MARCHF1: variants seen among roughly 807,000 people sequenced by gnomAD.
MARCHF1 encodes the protein E3 ubiquitin-protein ligase MARCHF1.
MARCHF1 carries 40 observed loss-of-function variants against 54.2 expected under a neutral mutation model. The ratio of observed to expected loss-of-function variants is 0.74; its 90% CI spans 0.57 to 0.96. MARCHF1 has a LOEUF of 0.96. Ranked by LOEUF, MARCHF1 falls within the 40% of genes least tolerant of loss-of-function variation. The pLI is 0.00. For missense variants in MARCHF1, 586 were observed against 656.5 expected, an observed-to-expected ratio of 0.89 and a Z score of 1.17; for synonymous variants, 236 against 236.3, an observed-to-expected ratio of 1.00 and a Z score of 0.01.
At chr4:163,778,749 A>C (rs1354985512) in intron 4 of MARCHF1, among the ~76,000 whole-genome samples, 1 of 152,204 alleles carries the variant, frequency 6.6e-6, no homozygotes, top group Non-Finnish European at 1.5e-5. Flanking sequence ...AGTCAGACAC[A>C]GAAAGACAAA....
At chr4:163,661,105 G>A (rs1330153340) in intron 5 of MARCHF1, among the ~76,000 whole-genome samples, 1 of 151,852 alleles carries the variant, frequency 6.6e-6, no homozygotes, top group Non-Finnish European at 1.5e-5. Flanking sequence ...GATTCTTCCT[G>A]AACTCCTCCC....
At chr4:164,276,854 C>A (rs9684096) in intron 1 of MARCHF1, among the ~76,000 whole-genome samples, 67,967 of 135,214 alleles carry the variant, frequency 0.5, 19,642 homozygotes, top group African/African-American at 0.8. Flanking sequence ...AATTACATGT[C>A]TATATGTTTA....
At chr4:163,619,379 GT>G (rs1741607976) in intron 5 of MARCHF1, among the ~76,000 whole-genome samples, 1 of 152,086 alleles carries the variant, frequency 6.6e-6, no homozygotes, top group Non-Finnish European at 1.5e-5. Context: ...CCAACAGGTT[GT>G]TTTATTTTAA....
In MARCHF1 at chr4:163,735,282, A is replaced by T. The variant is rs541750700; in HGVS notation, c.112-34419T>A. ...TCACCACCTGGTATTACATTAAATA[A>T]TTATTTATTTATTATTCATTTCCCC... On this transcript the variant is annotated intron_variant, in intron 4 of 9. Transcript: ENST00000514618. Among the ~76,000 whole-genome samples the T allele has an allele frequency of 2.6e-5, 4 of 152,268 alleles. No individual in the cohort carries two copies. The South Asian group carries it at 8.3e-4, about 32-fold the overall frequency.
intron 5 of MARCHF1, among the ~76,000 whole-genome samples, chr4:163,628,528 G>C (rs1741953911): frequency 6.6e-6 from 1 of 152,184 alleles, no homozygotes; most frequent in Non-Finnish European, 1.5e-5. Context: ...ATTCAACATA[G>C]TATTAGAAGC....
chr4:163,855,721 T>C (rs758848922), intron 3 of MARCHF1, among the ~76,000 whole-genome samples: 1 of 152,208 alleles, frequency 6.6e-6, no homozygotes, highest in African/African-American at 2.4e-5. Context: ...AATTCATTCA[T>C]GAATGAAGAA....
intron 1 of MARCHF1, among the ~76,000 whole-genome samples, chr4:164,281,975 CT>C (rs1734037269): frequency 7.0e-6 from 1 of 143,534 alleles, no homozygotes. Context: ...CATCCCTCAT[CT>C]GGCCAAATGT....
At chr4:163,858,569 A>G (rs145253456) in intron 3 of MARCHF1, among the ~76,000 whole-genome samples, 406 of 152,308 alleles carry the variant, frequency 2.7e-3, no homozygotes, top group African/African-American at 9.4e-3. Context: ...TTATGTATTT[A>G]TTTAGCTAAT....
chr4:164,214,939 A>G (rs1239906531), intron 1 of MARCHF1, among the ~76,000 whole-genome samples: 1 of 152,136 alleles, frequency 6.6e-6, no homozygotes, highest in East Asian at 1.9e-4. Flanking sequence ...CCCGCCGCTC[A>G]AACCTCAGAT....
chr4:163,711,884 A>C (rs932121541), intron 4 of MARCHF1, among the ~76,000 whole-genome samples: 2 of 152,194 alleles, frequency 1.3e-5, no homozygotes, highest in African/African-American at 4.8e-5. Context: ...CTAGACCCCG[A>C]TGGATAAAAG....
intron 2 of MARCHF1, among the ~76,000 whole-genome samples, chr4:164,100,725 A>G (rs1185986781): frequency 6.6e-6 from 1 of 152,182 alleles, no homozygotes. Context: ...TTGATAGTCA[A>G]GATAATTGTC....
Position 163,539,285 on chromosome 4 carries a change from T to G in MARCHF1, c.1339+6311A>C, listed in dbSNP as rs545821533. On this transcript the variant is annotated intron_variant, in intron 9 of 9. Coordinates refer to ENST00000514618, the MANE Select transcript of MARCHF1 (RefSeq NM_001394959.1). ...ATCTGCCCACCTTGGCCTCTCAAAG[T>G]GCTGGGATTACAGGCTTAAACCAAC... 5.3e-5 allele frequency among the ~76,000 whole-genome samples: 8 copies of G among 152,296 alleles called. No homozygotes were observed. In the South Asian group the frequency reaches 1.7e-3, roughly 32 times the overall value.
At position 164,216,678 on chromosome 4, in the gene MARCHF1, A is replaced by G. The variant is rs574595425; in HGVS notation, c.-322-105016T>C. ...ATTATCCTGAGCCTCATGATAGAAC[A>G]CAGAGCTCATACTCTGTGTTTTTAC... On this transcript the variant is annotated intron_variant, in intron 1 of 9. Coordinates refer to ENST00000514618, the MANE Select transcript of MARCHF1 (RefSeq NM_001394959.1). Among the ~76,000 whole-genome samples, 8 of 152,336 alleles carry G rather than the reference A, an allele frequency of 5.3e-5. 1 individual carries two copies. The South Asian group carries it at 1.7e-3, about 32-fold the overall frequency.
chr4:163,949,750 G>A (rs1489203693), intron 3 of MARCHF1, among the ~76,000 whole-genome samples: 1 of 121,918 alleles, frequency 8.2e-6, no homozygotes, highest in Non-Finnish European at 1.8e-5. Context: ...GCAGTGTCTG[G>A]AGTGTTTAGA....
At chr4:163,772,946 G>A (rs1747202621) in intron 4 of MARCHF1, among the ~76,000 whole-genome samples, 1 of 152,114 alleles carries the variant, frequency 6.6e-6, no homozygotes, top group Admixed American at 6.6e-5. Flanking sequence ...GGGCATATGT[G>A]GTGGCAAATT....
chr4:164,176,966 C>CCATATA (rs1730688881), intron 1 of MARCHF1, among the ~76,000 whole-genome samples: 2 of 46,730 alleles, frequency 4.3e-5, no homozygotes, highest in African/African-American at 1.1e-4. Context: ...CTCTCTCTCT[C>CCATATA]TCTCTCTCTC....
chr4:163,682,187 A>G (rs1357379200), intron 5 of MARCHF1, among the ~76,000 whole-genome samples: 1 of 152,166 alleles, frequency 6.6e-6, no homozygotes, highest in Admixed American at 6.5e-5. Flanking sequence ...TGAAACTTTG[A>G]ACTTGAGAGA....
At chr4:163,849,135 A>G (rs978923104) in intron 4 of MARCHF1, among the ~76,000 whole-genome samples, 1 of 152,210 alleles carries the variant, frequency 6.6e-6, no homozygotes, top group Admixed American at 6.5e-5. Flanking sequence ...AAGACGTGAT[A>G]GAGTGGCCCT....
intron 4 of MARCHF1, among the ~76,000 whole-genome samples, chr4:163,765,143 T>C (rs574081808): frequency 6.8e-4 from 103 of 152,156 alleles, no homozygotes; most frequent in African/African-American, 2.4e-3. Context: ...ACCACTGAAA[T>C]TGGCAAATTC....
Sources: allele counts gnomAD v4.1 joint callset (sites outside exome capture counted in the v4.1 genomes callset), GRCh38; gene constraint gnomAD v4.1.1; transcripts MANE v1.5; gene names NCBI Gene and HGNC (gene_info 2026-07-23, HGNC 2026-07-21).